PCDHA6: variants seen among roughly 807,000 people sequenced by gnomAD.
PCDHA6 encodes the protein protocadherin alpha 6.
Under a neutral mutation model 60.3 loss-of-function variants are expected in PCDHA6, and 55 were observed. The ratio of observed to expected loss-of-function variants is 0.91; its 90% CI spans 0.73 to 1.14. The LOEUF (loss-of-function observed/expected upper bound fraction) is 1.14. PCDHA6 is among the 50% of genes most tolerant of loss of function. The probability of loss-of-function intolerance (pLI) is 0.00; values close to 1 mark genes in which losing one functional copy is unlikely to be tolerated. For synonymous variants in PCDHA6, 652 were observed against 557.9 expected (o/e 1.17, Z -2.38); for missense variants, 1,327 against 1,256.5 (o/e 1.06, Z -0.85).
At chr5:140,960,737 G>T (rs2095566221) in intron 1 of PCDHA6, among the ~76,000 whole-genome samples, 1 of 145,230 alleles carries the variant, frequency 6.9e-6, no homozygotes, top group South Asian at 2.2e-4. Context: ...CATGATTTTA[G>T]TCCATGGCTA....
At position 140,830,154 on chromosome 5, in the gene PCDHA6, G is replaced by T. The variant is rs2150182095; in HGVS notation, c.2063G>T (p.Gly688Val). 6.2e-7 allele frequency: 1 copy of T among 1,613,332 alleles called. No individual in the cohort carries two copies. Among genetic ancestry groups the T allele is most frequent in the South Asian group, 1.1e-5 (1 of 91,054 alleles). ...TCACGGGCGTCGGTGGGCGCCGCGG[G>T]CCCAGAGGCGGCGCTGGTGGATGTC... The part of the protein sequence containing the change: ...ASSRASVGAA[G>V]PEAALVDVNV... Residue 688 changes from glycine (G) to valine (V), a missense_variant, in exon 1 of 4, where the codon GGC (glycine) becomes GTC (valine). Coordinates refer to ENST00000529310, the MANE Select transcript of PCDHA6 (RefSeq NM_018909.4).
At position 140,858,352 on chromosome 5, in the gene PCDHA6, G is replaced by T; in HGVS notation, c.2394+27867G>T. On this transcript the variant is annotated intron_variant, in intron 1 of 3. Coordinates refer to ENST00000529310, the MANE Select transcript of PCDHA6 (RefSeq NM_018909.4). ...AGGGCCTGCCCAAGGCGGACCTCATGGCCTTCAGCCCCAGCCTTCCACCAT... is the reference window on the plus strand; with the variant it reads ...AGGGCCTGCCCAAGGCGGACCTCATTGCCTTCAGCCCCAGCCTTCCACCAT... 1.3e-6 allele frequency: 2 copies of T among 1,593,948 alleles called. 1 individual carries two copies. Among genetic ancestry groups the T allele is most frequent in the Non-Finnish European group, 1.7e-6 (2 of 1,165,108 alleles).
Position 140,829,637 on chromosome 5 carries a change from A to C in PCDHA6, c.1546A>C (p.Lys516Gln). 5 of 1,612,300 alleles carry C rather than the reference A, an allele frequency of 3.1e-6. No homozygotes were observed. The highest frequency in any genetic ancestry group is 4.2e-6 in the Non-Finnish European group (5 of 1,179,796). ...CATTTCGGTGCACGCGGAGAGCGGC[A>C]AGGTGTACGCGCTGCAGCCGCTGGA... ...SYISVHAESGKVYALQPLDHE... is the reference protein window; with the variant it reads ...SYISVHAESGQVYALQPLDHE... The change falls in exon 1 of 4, where the codon AAG becomes CAG. Residue 516 changes from lysine to glutamine, a missense_variant. Coordinates refer to ENST00000529310, the MANE Select transcript of PCDHA6 (RefSeq NM_018909.4).
chr5:140,962,569 T>A (rs782016565), intron 1 of PCDHA6, among the ~76,000 whole-genome samples: 17 of 152,194 alleles, frequency 1.1e-4, no homozygotes, highest in African/African-American at 1.7e-4. Context: ...TAAAAGCCAA[T>A]TGTTAATGCC....
intron 1 of PCDHA6, chr5:140,871,394 C>G (rs782179742): frequency 6.2e-7 from 1 of 1,614,042 alleles, no homozygotes; most frequent in Admixed American, 1.7e-5. Context: ...GAGGGCCCAC[C>G]TAAGACGGAC....
In PCDHA6 at chr5:140,829,433, A is replaced by C. The variant is rs2150167809; in HGVS notation, c.1342A>C (p.Met448Leu). 1 of 1,614,022 alleles carries C rather than the reference A, an allele frequency of 6.2e-7. No individual in the cohort carries two copies. The highest frequency in any genetic ancestry group is 8.5e-7 in the Non-Finnish European group (1 of 1,180,028). The change falls in exon 1 of 4, where the codon ATG (methionine) becomes CTG (leucine). Residue 448 changes from methionine (M) to leucine (L), a missense_variant. Coordinates refer to ENST00000529310, the MANE Select transcript of PCDHA6 (RefSeq NM_018909.4). The part of the protein sequence containing the change: ...TASLSVEVAD[M>L]NDNAPAFAQP... ...CAGCTTGTCTGTGGAGGTGGCCGAC[A>C]TGAATGACAATGCTCCGGCGTTCGC...
At position 140,835,349 on chromosome 5, in the gene PCDHA6, T is replaced by C. The variant is rs2150234349; in HGVS notation, c.2394+4864T>C. ...GAGCACACAAGATCCCAGTCGAGGC[T>C]GTCGATAAAGGCTTCCCACCCCTGG... On this transcript the variant is annotated intron_variant, in intron 1 of 3. Coordinates refer to ENST00000529310, the MANE Select transcript of PCDHA6 (RefSeq NM_018909.4). 5.4e-5 allele frequency: 87 copies of C among 1,613,822 alleles called. No individual in the cohort carries two copies. In the Middle Eastern group the frequency reaches 9.9e-4, roughly 18 times the overall value.
chr5:140,855,043 A>T (rs1177113480), intron 1 of PCDHA6, among the ~76,000 whole-genome samples: 2 of 149,900 alleles, frequency 1.3e-5, no homozygotes, highest in African/African-American at 4.9e-5. Flanking sequence ...TTTTTCTGTA[A>T]TAGTACTTTT....
intron 1 of PCDHA6, among the ~76,000 whole-genome samples, chr5:140,884,893 G>T (rs1186873075): frequency 1.3e-5 from 2 of 152,138 alleles, no homozygotes; most frequent in East Asian, 1.9e-4. Context: ...AGAATATTTT[G>T]TTTCTGTTGT....
chr5:140,893,384 G>T (rs2063960240), intron 1 of PCDHA6, among the ~76,000 whole-genome samples: 1 of 152,168 alleles, frequency 6.6e-6, no homozygotes, highest in South Asian at 2.1e-4. Flanking sequence ...ATGGGACAGT[G>T]GCTCATGCCT....
intron 1 of PCDHA6, chr5:140,841,851 A>C: frequency 6.2e-7 from 1 of 1,613,782 alleles, no homozygotes; most frequent in South Asian, 1.1e-5. Flanking sequence ...TCTCATGATT[A>C]CTTCATGCTA....
At position 140,829,702 on chromosome 5, in the gene PCDHA6, G is replaced by T. The variant is rs1295697160; in HGVS notation, c.1611G>T (p.Ala537=). The change falls in exon 1 of 4, where the codon GCG becomes GCT. Residue 537 remains alanine (A), a synonymous_variant. Transcript: ENST00000529310. ...AGCTGCTGCAGTTTCAGGTGAGCGC[G>T]CGCGACGCGGGCGTGCCGCCTCTGG... The part of the protein sequence containing the change: ...ELELLQFQVS[A]RDAGVPPLGS... The T allele has an allele frequency of 6.2e-7, 1 of 1,613,390 alleles. No homozygotes were observed. Among genetic ancestry groups the T allele is most frequent in the Admixed American group, 1.7e-5 (1 of 60,002 alleles).
intron 1 of PCDHA6, chr5:140,850,690 G>C (rs2150494322): frequency 3.8e-6 from 6 of 1,598,286 alleles, no homozygotes; most frequent in Admixed American, 1.7e-5. Flanking sequence ...GAGGGCGAGT[G>C]CGCGCCTGGC....
rs1366864610 is a variant in PCDHA6 at position 141,006,125 on chromosome 5, G to A, written c.2543-3502G>A. ...AAGGAGTTTTTTTTTTTTTTCTCAA[G>A]GCAGTAGAAAGCTTAAGCAGAGGAG... On this transcript the variant is annotated intron_variant, in intron 3 of 3. Transcript: ENST00000529310. 4.7e-5 allele frequency among the ~76,000 whole-genome samples: 7 copies of A among 149,644 alleles called. No individual in the cohort carries two copies. The South Asian group carries it at 1.3e-3, about 27-fold the overall frequency.
At chr5:140,985,739 CTTT>C (rs11372071) in intron 3 of PCDHA6, among the ~76,000 whole-genome samples, 5 of 117,900 alleles carry the variant, frequency 4.2e-5, no homozygotes, top group Non-Finnish European at 1.7e-5. Context: ...TGATGAATTC[CTTT>C]TTTTTTTTTT....
At position 140,978,933 on chromosome 5, in the gene PCDHA6, C is replaced by CT. The variant is rs1179085898; in HGVS notation, c.2395-13dup. The stretch of plus-strand genomic sequence containing the variant: ...TCTTGTCATTTTAACAGAAAACTCT[C>CT]TTTGTGATTTTGCAGCCACGACAGC... On this transcript the variant is annotated splice_polypyrimidine_tract_variant and intron_variant, in intron 1 of 3. Coordinates refer to ENST00000529310, the MANE Select transcript of PCDHA6 (RefSeq NM_018909.4). 8 of 1,613,976 alleles carry CT rather than the reference C, an allele frequency of 5.0e-6. No homozygotes were observed. The highest frequency in any genetic ancestry group is 1.7e-5 in the Admixed American group (1 of 59,984).
intron 1 of PCDHA6, chr5:140,850,513 G>C (rs782718204): frequency 2.5e-6 from 4 of 1,598,108 alleles, no homozygotes; most frequent in Non-Finnish European, 2.6e-6. Flanking sequence ...GTGGAGAGCG[G>C]CCAGGCGCCA....
chr5:140,967,299 G>T, intron 1 of PCDHA6: 3 of 1,612,674 alleles, frequency 1.9e-6, no homozygotes, highest in Non-Finnish European at 2.5e-6. Flanking sequence ...CCCGACGTGG[G>T]CGCCAACTCA....
chr5:141,010,343 G>C lies in PCDHA6; in HGVS notation c.*406G>C. 1 of 1,518,858 alleles carries C rather than the reference G, an allele frequency of 6.6e-7. No homozygotes were observed. Among genetic ancestry groups the C allele is most frequent in the Admixed American group, 2.1e-5 (1 of 46,514 alleles). 94.1% of individuals were successfully genotyped at this position (1,518,858 alleles called of 1,614,324 possible). A position where few individuals can be genotyped will look rare whatever the true frequency, so the allele number is the denominator to read the frequency against. On this transcript the variant is annotated 3_prime_UTR_variant, in exon 4 of 4. Coordinates refer to ENST00000529310, the MANE Select transcript of PCDHA6 (RefSeq NM_018909.4). ...GCAGCTTGGGAGTTTGTGGCCACTGGGTATGTGTGGCTACCGCGGGTATGC... is the reference window on the plus strand; with the variant it reads ...GCAGCTTGGGAGTTTGTGGCCACTGCGTATGTGTGGCTACCGCGGGTATGC...
Sources: gnomAD v4.1 joint callset for allele counts (sites outside exome capture counted in the v4.1 genomes callset) on GRCh38, gnomAD v4.1.1 for gene constraint, MANE v1.5 for transcripts, NCBI Gene and HGNC (gene_info 2026-07-23, HGNC 2026-07-21) for gene names.